Variants in RPGRIP1L observed in about 807,000 individuals in gnomAD.
RPGRIP1L encodes the protein RPGRIP1 like.
RPGRIP1L carries 131 observed loss-of-function variants against 160.4 expected under a neutral mutation model. The ratio of observed to expected loss-of-function variants is 0.82; its 90% CI spans 0.71 to 0.94. RPGRIP1L has a LOEUF of 0.94. RPGRIP1L is among the 40% of genes least tolerant of loss of function. The pLI, the probability that RPGRIP1L is intolerant of heterozygous loss-of-function variation, is 0.00. For synonymous variants in RPGRIP1L, 510 were observed against 515.8 expected, an observed-to-expected ratio of 0.99 and a Z score of 0.15; for missense variants, 1,522 against 1,535.8, an observed-to-expected ratio of 0.99 and a Z score of 0.15.
Position 53,601,788 on chromosome 16 carries a change from T to C in RPGRIP1L, c.*288A>G. The stretch of plus-strand genomic sequence containing the variant: ...GTTCTTCCTAAGAAAATGTTGAAAA[T>C]GCAAATAGACTTTCTCACGCTATCA... On this transcript the variant is annotated 3_prime_UTR_variant, in exon 27 of 27. Transcript: ENST00000647211. 3.6e-6 allele frequency: 1 copy of C among 279,512 alleles called. No homozygotes were observed. The highest frequency in any genetic ancestry group is 6.9e-6 in the Non-Finnish European group (1 of 145,758). 17.3% of individuals were successfully genotyped at this position (279,512 alleles called of 1,614,324 possible).
At chr16:53,695,525 C>T (rs1014881891) in intron 3 of RPGRIP1L, 10 of 651,830 alleles carry the variant, frequency 1.5e-5, no homozygotes, top group African/African-American at 5.4e-5. Context: ...GTTTTTAATG[C>T]CTTCCCCTCA....
At chr16:53,697,507 G>C (rs1178977335) in intron 2 of RPGRIP1L, among the ~76,000 whole-genome samples, 6 of 152,032 alleles carry the variant, frequency 3.9e-5, no homozygotes, top group African/African-American at 1.4e-4. Context: ...GATTGCAGGC[G>C]CACGCCGCCA....
chr16:53,676,274 T>C (rs1969156070), intron 6 of RPGRIP1L, among the ~76,000 whole-genome samples: 1 of 152,146 alleles, frequency 6.6e-6, no homozygotes, highest in Non-Finnish European at 1.5e-5. Flanking sequence ...GGGTACAGTC[T>C]TAACACAATG....
intron 25 of RPGRIP1L, among the ~76,000 whole-genome samples, chr16:53,610,405 CAAT>C (rs1391420274): frequency 2.0e-5 from 3 of 152,160 alleles, no homozygotes; most frequent in Non-Finnish European, 1.5e-5. Flanking sequence ...CCATTACAAA[CAAT>C]AATATTAATG....
intron 15 of RPGRIP1L, among the ~76,000 whole-genome samples, chr16:53,650,530 C>A (rs1598324832): frequency 6.6e-6 from 1 of 152,094 alleles, no homozygotes; most frequent in Non-Finnish European, 1.5e-5. Flanking sequence ...TCGAGACCAG[C>A]CTGGGCAACA....
At chr16:53,701,329 C>T (rs1235471058) in intron 1 of RPGRIP1L, among the ~76,000 whole-genome samples, 3 of 151,840 alleles carry the variant, frequency 2.0e-5, no homozygotes, top group African/African-American at 7.3e-5. Context: ...CATAAATTTA[C>T]CAACTGGGTT....
intron 15 of RPGRIP1L, among the ~76,000 whole-genome samples, chr16:53,651,567 G>A (rs1023714620): frequency 3.9e-5 from 6 of 152,124 alleles, no homozygotes; most frequent in Non-Finnish European, 8.8e-5. Context: ...CCACTGTCAG[G>A]CTTGCTCCTC....
At chr16:53,620,219 CATATA>C (rs1457049756) in intron 23 of RPGRIP1L, among the ~76,000 whole-genome samples, 3 of 151,936 alleles carry the variant, frequency 2.0e-5, no homozygotes, top group African/African-American at 7.2e-5. Context: ...TATTTCAAAG[CATATA>C]ATATAATTAA....
chr16:53,623,768 C>G (rs1964893496), intron 22 of RPGRIP1L, among the ~76,000 whole-genome samples: 1 of 152,196 alleles, frequency 6.6e-6, no homozygotes, highest in African/African-American at 2.4e-5. Context: ...TCTATAGACT[C>G]TGGGCTTCAG....
intron 5 of RPGRIP1L, among the ~76,000 whole-genome samples, chr16:53,686,786 A>G (rs1298100299): frequency 6.6e-6 from 1 of 152,174 alleles, no homozygotes; most frequent in African/African-American, 2.4e-5. Flanking sequence ...TTTTTATAAG[A>G]TAATGTCCTA....
chr16:53,634,677 CA>C (rs1476123615), intron 22 of RPGRIP1L, among the ~76,000 whole-genome samples: 1 of 135,370 alleles, frequency 7.4e-6, no homozygotes, highest in African/African-American at 2.8e-5. Flanking sequence ...CCTCTCTTGC[CA>C]TGTGATCTAC....
chr16:53,695,329 AC>A, intron 3 of RPGRIP1L: 1 of 702,810 alleles, frequency 1.4e-6, no homozygotes, highest in South Asian at 1.5e-5. Context: ...AAAGGCCTGC[AC>A]ATAGCATGCC....
intron 16 of RPGRIP1L, among the ~76,000 whole-genome samples, chr16:53,648,103 C>CAAAAAAA (rs781122239): frequency 2.6e-5 from 1 of 39,132 alleles, no homozygotes; most frequent in Non-Finnish European, 5.4e-5. Flanking sequence ...GACTCCGTCT[C>CAAAAAAA]AAAAAAAAAA....
At chr16:53,695,091 T>A in intron 3 of RPGRIP1L, 1 of 466,216 alleles carries the variant, frequency 2.1e-6, no homozygotes, top group Non-Finnish European at 3.8e-6. Context: ...CAGTTGTTTT[T>A]TATTTTCTGG....
At chr16:53,649,247 AATG>A (rs760766274) in intron 15 of RPGRIP1L, 132 bp from the exon 16 acceptor site, 1 of 706,074 alleles carries the variant, frequency 1.4e-6, no homozygotes, top group Middle Eastern at 2.8e-4. Flanking sequence ...GACTTGCACA[AATG>A]ATGTGAGATT....
chr16:53,661,920 C>T (rs1567852912), intron 10 of RPGRIP1L, among the ~76,000 whole-genome samples: 1 of 152,140 alleles, frequency 6.6e-6, no homozygotes, highest in Non-Finnish European at 1.5e-5. Flanking sequence ...GAATTATCCA[C>T]TACATTTTTC....
At chr16:53,644,000 T>G (rs1309927241) in intron 17 of RPGRIP1L, among the ~76,000 whole-genome samples, 1 of 152,192 alleles carries the variant, frequency 6.6e-6, no homozygotes, top group Non-Finnish European at 1.5e-5. Context: ...AAGGAAAGTA[T>G]AATGATAATG....
intron 24 of RPGRIP1L, among the ~76,000 whole-genome samples, chr16:53,616,856 G>C (rs931587321): frequency 1.3e-5 from 2 of 151,958 alleles, no homozygotes; most frequent in South Asian, 2.1e-4. Flanking sequence ...TGGATCACTT[G>C]AGGTCAGGAG....
chr16:53,646,635 C>A (rs180920756), intron 16 of RPGRIP1L, among the ~76,000 whole-genome samples: 2 of 152,184 alleles, frequency 1.3e-5, no homozygotes, highest in Non-Finnish European at 2.9e-5. Flanking sequence ...TGGAGATGGA[C>A]GGCACACAGA....
Sources: gnomAD v4.1 joint callset for allele counts (sites outside exome capture counted in the v4.1 genomes callset) on GRCh38, gnomAD v4.1.1 for gene constraint, MANE v1.5 for transcripts, NCBI Gene and HGNC (gene_info 2026-07-23, HGNC 2026-07-21) for gene names.